The following HSPBAP1 variants were observed in gnomAD, a reference collection of about 807,000 sequenced individuals.
HSPBAP1 encodes the protein HSPB1-associated protein 1.
HSPBAP1 carries 27 observed loss-of-function variants against 45.2 expected under a neutral mutation model. The ratio of observed to expected loss-of-function variants is 0.60; its 90% CI spans 0.44 to 0.82. HSPBAP1 has a LOEUF of 0.82. Ranked by LOEUF, HSPBAP1 falls within the 40% of genes least tolerant of loss-of-function variation. The probability of loss-of-function intolerance (pLI) is 0.00; values close to 1 mark genes in which losing one functional copy is unlikely to be tolerated. For synonymous variants in HSPBAP1, 204 were observed against 202.7 expected (o/e 1.01, Z -0.06); for missense variants, 510 against 590.9 (o/e 0.86, Z 1.42).
At chr3:122,766,169 T>A (rs957137123) in intron 3 of HSPBAP1, among the ~76,000 whole-genome samples, 1 of 152,240 alleles carries the variant, frequency 6.6e-6, no homozygotes, top group Non-Finnish European at 1.5e-5. Flanking sequence ...TGAATATAGT[T>A]ATTTTCTCAA....
At chr3:122,779,868 T>C (rs939521231) in intron 1 of HSPBAP1, among the ~76,000 whole-genome samples, 1 of 152,084 alleles carries the variant, frequency 6.6e-6, no homozygotes, top group Non-Finnish European at 1.5e-5. Flanking sequence ...AGAATTTTTC[T>C]TAGTACAGAA....
chr3:122,769,672 TA>T (rs1296450452), intron 2 of HSPBAP1, among the ~76,000 whole-genome samples: 2 of 152,194 alleles, frequency 1.3e-5, no homozygotes, highest in African/African-American at 4.8e-5. Flanking sequence ...TGTTCGCCAC[TA>T]TTTTTTTATT....
intron 6 of HSPBAP1, chr3:122,741,821 T>C (rs1298908997): frequency 6.6e-6 from 1 of 152,140 alleles, no homozygotes; most frequent in Admixed American, 6.5e-5. Context: ...ATGTTTAGCC[T>C]CCAGGGAAGT....
chr3:122,785,327 C>T (rs941962963), intron 1 of HSPBAP1, among the ~76,000 whole-genome samples: 1 of 152,132 alleles, frequency 6.6e-6, no homozygotes, highest in African/African-American at 2.4e-5. Context: ...TCTGCTAGGT[C>T]CATCTATGCA....
In HSPBAP1 at chr3:122,740,304, T is replaced by C; in HGVS notation, c.*41A>G. On this transcript the variant is annotated 3_prime_UTR_variant, in exon 8 of 8. Coordinates refer to ENST00000306103, the MANE Select transcript of HSPBAP1 (RefSeq NM_024610.6). ...TTTAGTCATACTACTTAAAAATATA[T>C]ATTTAAAAAATATTATTTTAAAAGT... The C allele has an allele frequency of 1.6e-6, 2 of 1,253,810 alleles. No individual in the cohort carries two copies. The highest frequency in any genetic ancestry group is 2.1e-6 in the Non-Finnish European group (2 of 934,064). 77.7% of individuals were successfully genotyped at this position (1,253,810 alleles called of 1,614,324 possible).
intron 5 of HSPBAP1, 74 bp downstream of exon 5, chr3:122,755,186 A>T: frequency 1.5e-6 from 2 of 1,306,074 alleles, no homozygotes; most frequent in East Asian, 2.7e-5. Context: ...GGGGAAGCAC[A>T]CAGCATAAGG....
At chr3:122,779,304 G>T (rs1051710825) in intron 1 of HSPBAP1, among the ~76,000 whole-genome samples, 2 of 151,432 alleles carry the variant, frequency 1.3e-5, no homozygotes, top group African/African-American at 2.4e-5. Context: ...ACCTCCCGTA[G>T]TGCTGGGATT....
chr3:122,752,820 AAAACCCCGC>A, intron 5 of HSPBAP1, 146 bp from the exon 6 acceptor site: 9 of 1,396,082 alleles, frequency 6.4e-6, no homozygotes, highest in Non-Finnish European at 8.4e-6. Context: ...AGTAAGAAAA[AAAACCCCGC>A]AAACCTTTTT....
At chr3:122,763,600 T>C (rs1158154176) in intron 3 of HSPBAP1, among the ~76,000 whole-genome samples, 1 of 152,186 alleles carries the variant, frequency 6.6e-6, no homozygotes, top group African/African-American at 2.4e-5. Flanking sequence ...AGAAGTATTA[T>C]GAAAATAATT....
intron 1 of HSPBAP1, among the ~76,000 whole-genome samples, chr3:122,781,138 C>A (rs1293155752): frequency 1.3e-5 from 2 of 151,894 alleles, no homozygotes; most frequent in African/African-American, 4.8e-5. Flanking sequence ...ACGCTCCTCA[C>A]TTCCCAGACG....
rs1056523737 is a variant in HSPBAP1, at chr3:122,781,319, G to A, written c.65-3413C>T. On this transcript the variant is annotated intron_variant, in intron 1 of 7. Coordinates refer to ENST00000306103, the MANE Select transcript of HSPBAP1 (RefSeq NM_024610.6). ...TGCAATCCCGGCACCTCGGGAGGCCGAGGCTGGAGGATCACTCGTGGTTAG... is the reference window on the plus strand; with the variant it reads ...TGCAATCCCGGCACCTCGGGAGGCCAAGGCTGGAGGATCACTCGTGGTTAG... 8.2e-4 allele frequency among the ~76,000 whole-genome samples: 125 copies of A among 152,348 alleles called. 2 individuals carry two copies. The highest frequency in any genetic ancestry group is 1.2e-3 in the South Asian group (6 of 4,826).
intron 6 of HSPBAP1, among the ~76,000 whole-genome samples, chr3:122,748,208 C>A (rs74575457): frequency 1.3e-5 from 2 of 152,100 alleles, no homozygotes; most frequent in Non-Finnish European, 1.5e-5. Context: ...GTCATCACCA[C>A]TCCCTAATCT....
intron 6 of HSPBAP1, among the ~76,000 whole-genome samples, chr3:122,747,461 C>A (rs986575091): frequency 1.3e-5 from 2 of 151,684 alleles, no homozygotes; most frequent in African/African-American, 4.8e-5. Flanking sequence ...TCCGCCCGGC[C>A]AGCCGCCCTG....
chr3:122,755,055 C>T lies in HSPBAP1; in HGVS notation c.741+205G>A, dbSNP rs574173516. ...TAGGAGGAGCTGTGTTCCCTCTTGC[C>T]ATTTCCTTTCCAGGACCTGTGAAGC... On this transcript the variant is annotated intron_variant, in intron 5 of 7. Transcript: ENST00000306103. The T allele has an allele frequency of 6.2e-5, 75 of 1,215,694 alleles. No homozygotes were observed. The East Asian group carries it at 2.5e-3, about 40-fold the overall frequency. 75.3% of individuals were successfully genotyped at this position (1,215,694 alleles called of 1,614,324 possible). A position where few individuals can be genotyped will look rare whatever the true frequency, so the allele number is the denominator to read the frequency against.
chr3:122,762,854 G>A (rs1183418035), intron 3 of HSPBAP1, among the ~76,000 whole-genome samples: 1 of 152,188 alleles, frequency 6.6e-6, no homozygotes, highest in Non-Finnish European at 1.5e-5. Context: ...GTTGGGTGGA[G>A]TGTTTTATAA....
intron 1 of HSPBAP1, among the ~76,000 whole-genome samples, chr3:122,792,743 C>G (rs1189541849): frequency 6.6e-6 from 1 of 151,982 alleles, no homozygotes; most frequent in Non-Finnish European, 1.5e-5. Context: ...CGTGGTGGCA[C>G]GCTTGTAGTC....
intron 6 of HSPBAP1, among the ~76,000 whole-genome samples, chr3:122,752,207 A>G (rs114863302): frequency 8.9e-4 from 135 of 152,306 alleles, no homozygotes; most frequent in African/African-American, 3.2e-3. Flanking sequence ...ATTAGTAATG[A>G]CCCTGAACCA....
At chr3:122,751,604 C>T (rs1358714824) in intron 6 of HSPBAP1, among the ~76,000 whole-genome samples, 3 of 152,174 alleles carry the variant, frequency 2.0e-5, no homozygotes, top group Admixed American at 6.5e-5. Context: ...TAACAACAAG[C>T]GAACTTCCTT....
At chr3:122,782,884 A>G (rs967582957) in intron 1 of HSPBAP1, among the ~76,000 whole-genome samples, 1 of 152,244 alleles carries the variant, frequency 6.6e-6, no homozygotes, top group Non-Finnish European at 1.5e-5. Flanking sequence ...TTTTTAAAGA[A>G]ACTGAAAACT....
Sources: allele counts gnomAD v4.1 joint callset (sites outside exome capture counted in the v4.1 genomes callset), GRCh38; gene constraint gnomAD v4.1.1; transcripts MANE v1.5; gene names NCBI Gene and HGNC (gene_info 2026-07-23, HGNC 2026-07-21).